The following SLC39A11 variants were observed in gnomAD, a reference collection of about 807,000 sequenced individuals.
SLC39A11 encodes zinc transporter ZIP11.
A neutral mutation model predicts 36.1 loss-of-function variants in SLC39A11; 33 were observed. The observed-to-expected ratio is 0.91, with a 90% confidence interval of 0.69 to 1.22. The LOEUF is 1.22. SLC39A11 is among the 50% of genes most tolerant of loss of function. SLC39A11 has a pLI of 0.00. For missense variants in SLC39A11, 432 were observed against 430.3 expected, an observed-to-expected ratio of 1.00 and a Z score of -0.03; for synonymous variants, 166 against 170.3, an observed-to-expected ratio of 0.97 and a Z score of 0.20.
At chr17:72,739,269 G>A (rs926504959) in intron 6 of SLC39A11, among the ~76,000 whole-genome samples, 2 of 151,936 alleles carry the variant, frequency 1.3e-5, no homozygotes, top group African/African-American at 4.8e-5. Flanking sequence ...CAGGACTACA[G>A]GCATGCGCCA....
chr17:72,773,859 G>C (rs941272838), intron 6 of SLC39A11, among the ~76,000 whole-genome samples: 1 of 152,206 alleles, frequency 6.6e-6, no homozygotes, highest in Non-Finnish European at 1.5e-5. Flanking sequence ...AGGAGGAACA[G>C]GGGCTGAAGC....
chr17:73,026,749 T>C (rs1253684625), intron 4 of SLC39A11, among the ~76,000 whole-genome samples: 1 of 151,924 alleles, frequency 6.6e-6, no homozygotes, highest in Admixed American at 6.6e-5. Flanking sequence ...GAATTGACCT[T>C]GGGGACACAC....
chr17:72,786,418 T>A (rs2076516558), intron 6 of SLC39A11, among the ~76,000 whole-genome samples: 1 of 152,224 alleles, frequency 6.6e-6, no homozygotes, highest in South Asian at 2.1e-4. Context: ...GCAAATGTGC[T>A]ATATACCCTC....
At chr17:72,873,046 C>T (rs1228433301) in intron 5 of SLC39A11, among the ~76,000 whole-genome samples, 5 of 140,116 alleles carry the variant, frequency 3.6e-5, no homozygotes, top group African/African-American at 1.3e-4. Flanking sequence ...AGGGGCAAGA[C>T]TCCATCTCAA....
At chr17:72,786,379 G>A (rs1276304563) in intron 6 of SLC39A11, among the ~76,000 whole-genome samples, 1 of 152,110 alleles carries the variant, frequency 6.6e-6, no homozygotes, top group Non-Finnish European at 1.5e-5. Flanking sequence ...TTATCTTCCT[G>A]TCTTACTGTA....
rs74448113 is a variant in SLC39A11 at position 72,972,958 on chromosome 17, C to T, written c.307-25083G>A. Among the ~76,000 whole-genome samples, 8 of 151,996 alleles carry T rather than the reference C, an allele frequency of 5.3e-5. 1 individual carries two copies. The East Asian group carries it at 1.6e-3, about 30-fold the overall frequency. On this transcript the variant is annotated intron_variant, in intron 4 of 9. Coordinates refer to ENST00000255559, the MANE Select transcript of SLC39A11 (RefSeq NM_139177.4). ...AGGTCAGGCAGGAAGGAAAAGGATG[C>T]TGTGGGTTGCTGGACACCATGACCA...
chr17:72,699,329 G>A (rs934302282), intron 7 of SLC39A11, among the ~76,000 whole-genome samples: 1 of 152,226 alleles, frequency 6.6e-6, no homozygotes, highest in African/African-American at 2.4e-5. Flanking sequence ...TTATGAATTT[G>A]TGTTAGGCTG....
At chr17:72,915,951 T>C (rs559905479) in intron 5 of SLC39A11, among the ~76,000 whole-genome samples, 75 of 152,308 alleles carry the variant, frequency 4.9e-4, no homozygotes, top group African/African-American at 1.6e-3. Flanking sequence ...TGCCATCTAC[T>C]GAAACACACA....
chr17:72,778,775 A>T (rs2076214247), intron 6 of SLC39A11, among the ~76,000 whole-genome samples: 1 of 152,200 alleles, frequency 6.6e-6, no homozygotes, highest in African/African-American at 2.4e-5. Context: ...GCTGAGCAAG[A>T]CCTTTTCCCT....
intron 5 of SLC39A11, among the ~76,000 whole-genome samples, chr17:72,918,333 C>T (rs112510449): frequency 0.034 from 5,159 of 152,172 alleles, 286 homozygotes; most frequent in African/African-American, 0.11. Context: ...CGCTTGAACC[C>T]GGGAGGTGGA....
chr17:73,090,190 G>A (rs1243901546), intron 1 of SLC39A11, among the ~76,000 whole-genome samples: 1 of 152,196 alleles, frequency 6.6e-6, no homozygotes, highest in African/African-American at 2.4e-5. Context: ...CCATGGCAGA[G>A]TGTGGACGCA....
At chr17:72,991,132 A>G (rs1598748878) in intron 4 of SLC39A11, among the ~76,000 whole-genome samples, 1 of 152,226 alleles carries the variant, frequency 6.6e-6, no homozygotes, top group African/African-American at 2.4e-5. Context: ...ACTATTACAG[A>G]AAGAATTGCA....
rs1436484912 is a variant in SLC39A11, at chr17:72,959,325, G to GTGTGTATATATA, written c.307-11451_307-11450insTATATATACACA. Among the ~76,000 whole-genome samples, 90 of 65,510 alleles carry GTGTGTATATATA rather than the reference G, an allele frequency of 1.4e-3. 1 individual carries two copies. Among genetic ancestry groups the GTGTGTATATATA allele is most frequent in the African/African-American group, 5.9e-3 (85 of 14,508 alleles). The allele number at this position is 65,510 out of a possible 152,430, so 43.0% of individuals were successfully genotyped here. A position where few individuals can be genotyped will look rare whatever the true frequency, so the allele number is the denominator to read the frequency against. ...CTGGTGTATGTATGTGTGTGTGTGT[G>GTGTGTATATATA]TATATATATATATATATATATATAT... On this transcript the variant is annotated intron_variant, in intron 4 of 9. Transcript: ENST00000255559.
chr17:73,043,127 T>A (rs2059163810), intron 3 of SLC39A11, among the ~76,000 whole-genome samples: 1 of 152,106 alleles, frequency 6.6e-6, no homozygotes, highest in Non-Finnish European at 1.5e-5. Context: ...TGTTTCAAAA[T>A]TTAAAAAGCA....
intron 7 of SLC39A11, among the ~76,000 whole-genome samples, chr17:72,715,633 G>T (rs1054687256): frequency 6.6e-6 from 1 of 152,184 alleles, no homozygotes; most frequent in Non-Finnish European, 1.5e-5. Context: ...GTTGCCAGGG[G>T]CTGGGGGGAG....
At chr17:72,801,788 A>G (rs2077093459) in intron 6 of SLC39A11, among the ~76,000 whole-genome samples, 1 of 152,244 alleles carries the variant, frequency 6.6e-6, no homozygotes, top group Non-Finnish European at 1.5e-5. Context: ...ATATCTGCAC[A>G]ACTCTATAAA....
At chr17:72,812,228 G>C (rs2145412394) in intron 6 of SLC39A11, among the ~76,000 whole-genome samples, 1 of 152,278 alleles carries the variant, frequency 6.6e-6, no homozygotes, top group South Asian at 2.1e-4. Flanking sequence ...CCTTTCGGAG[G>C]GAAGACAAGC....
In SLC39A11 at chr17:72,855,828, C is replaced by T. The variant is rs1055807519; in HGVS notation, c.431-6024G>A. On this transcript the variant is annotated intron_variant, in intron 5 of 9. Coordinates refer to ENST00000255559, the MANE Select transcript of SLC39A11 (RefSeq NM_139177.4). ...AGGAGAATGGCGTGAACCCGGGAGG[C>T]GGAGCTTGCAGTGAGCCAAGATGGC... 9.3e-5 allele frequency among the ~76,000 whole-genome samples: 14 copies of T among 151,094 alleles called. 1 individual carries two copies. Among genetic ancestry groups the T allele is most frequent in the Middle Eastern group, 3.4e-3 (1 of 294 alleles).
rs1216982201 is a variant in SLC39A11, at chr17:72,924,290, T to C, written c.430+23462A>G. Among the ~76,000 whole-genome samples the C allele has an allele frequency of 2.0e-5, 3 of 150,532 alleles. No homozygotes were observed. The East Asian group carries it at 5.9e-4, about 30-fold the overall frequency. The stretch of plus-strand genomic sequence containing the variant: ...CTCGCCCTACCCTAACCCTAGTAAA[T>C]CCTTTTAGTTGAGCAAAATTGCTAC... On this transcript the variant is annotated intron_variant, in intron 5 of 9. Coordinates refer to ENST00000255559, the MANE Select transcript of SLC39A11 (RefSeq NM_139177.4).
Sources: allele counts gnomAD v4.1 joint callset (sites outside exome capture counted in the v4.1 genomes callset), GRCh38; gene constraint gnomAD v4.1.1; transcripts MANE v1.5; gene names NCBI Gene and HGNC (gene_info 2026-07-23, HGNC 2026-07-21).